The following ANO4 variants were observed in gnomAD, a reference collection of about 807,000 sequenced individuals.
The protein encoded by ANO4 is anoctamin-4.
Under a neutral mutation model 141.9 loss-of-function variants are expected in ANO4, and 69 were observed. That is an observed-to-expected ratio of 0.49 (90% CI 0.40 to 0.59). The LOEUF is 0.59. Among genes scored for constraint, ANO4 ranks in the 20% least tolerant of loss-of-function variants. The pLI is 0.00. For missense variants in ANO4, 894 were observed against 1,162.2 expected (o/e 0.77, Z 3.36); for synonymous variants, 350 against 394.3 (o/e 0.89, Z 1.33).
chr12:100,930,891 C>T (rs760436747), intron 3 of ANO4, among the ~76,000 whole-genome samples: 8 of 152,100 alleles, frequency 5.3e-5, no homozygotes, highest in Admixed American at 3.9e-4. Flanking sequence ...GAGCCTTGCC[C>T]GCTCAGTTGT....
intron 1 of ANO4, among the ~76,000 whole-genome samples, chr12:100,831,504 G>A (rs1386626706): frequency 6.9e-6 from 1 of 145,150 alleles, no homozygotes; most frequent in African/African-American, 2.4e-5. Context: ...TTCCACCTGT[G>A]GAAAAATAAT....
intron 1 of ANO4, among the ~76,000 whole-genome samples, chr12:100,819,552 A>G (rs906607391): frequency 6.6e-6 from 1 of 151,966 alleles, no homozygotes; most frequent in African/African-American, 2.4e-5. Flanking sequence ...CAAAACAAGC[A>G]TCACTGCTAG....
At chr12:100,771,319 C>A (rs778068058) in intron 3 of ANO4, among the ~76,000 whole-genome samples, 3 of 152,138 alleles carry the variant, frequency 2.0e-5, no homozygotes, top group Non-Finnish European at 4.4e-5. Context: ...CTTGCATAGA[C>A]CAGACGGATC....
chr12:100,816,708 T>C (rs2035759791), intron 1 of ANO4, among the ~76,000 whole-genome samples: 1 of 151,976 alleles, frequency 6.6e-6, no homozygotes, highest in Non-Finnish European at 1.5e-5. Flanking sequence ...AGGTGGATGG[T>C]TTGGATTCTA....
Position 100,726,815 on chromosome 12 carries a change from T to C in ANO4, c.23-6959T>C, listed in dbSNP as rs187421394. 2.8e-3 allele frequency among the ~76,000 whole-genome samples: 419 copies of C among 152,238 alleles called. 6 individuals carry two copies. Among genetic ancestry groups the C allele is most frequent in the Admixed American group, 5.4e-3 (83 of 15,282 alleles). Reference sequence around the variant, plus strand: ...TTTAATTTAGACATTTTTGGTTGTGTTTTGCTTGATAGAAATATGCTTATA... The same window carrying C: ...TTTAATTTAGACATTTTTGGTTGTGCTTTGCTTGATAGAAATATGCTTATA... On this transcript the variant is annotated intron_variant, in intron 1 of 29. Coordinates refer to the ANO4 transcript ENST00000644049.
At chr12:100,836,580 A>C (rs1407817708) in intron 1 of ANO4, among the ~76,000 whole-genome samples, 1 of 149,164 alleles carries the variant, frequency 6.7e-6, no homozygotes, top group Non-Finnish European at 1.5e-5. Context: ...GCCACAAACT[A>C]TCATATAGTG....
chr12:101,079,945 C>T (rs890155078), intron 15 of ANO4, among the ~76,000 whole-genome samples: 1 of 152,222 alleles, frequency 6.6e-6, no homozygotes, highest in African/African-American at 2.4e-5. Flanking sequence ...AGTACCCACA[C>T]TAGGCGTGGT....
chr12:100,970,663 C>CGCCTTCCTTCCTTCCT (rs372004015), intron 5 of ANO4, among the ~76,000 whole-genome samples: 1,918 of 91,744 alleles, frequency 0.021, 220 homozygotes, highest in Middle Eastern at 0.046. Context: ...CTCCCTCCCT[C>CGCCTTCCTTCCTTCCT]TCCTTCCTTC....
intron 2 of ANO4, among the ~76,000 whole-genome samples, chr12:100,905,660 T>C (rs901046974): frequency 6.6e-6 from 1 of 152,108 alleles, no homozygotes; most frequent in Admixed American, 6.6e-5. Context: ...GGGCAACTTT[T>C]TTGAGCAGTT....
intron 7 of ANO4, among the ~76,000 whole-genome samples, chr12:100,976,513 T>A (rs1403158334): frequency 6.6e-6 from 1 of 152,216 alleles, no homozygotes; most frequent in Non-Finnish European, 1.5e-5. Flanking sequence ...CCTATATTAA[T>A]AGTTCTCAAA....
intron 15 of ANO4, among the ~76,000 whole-genome samples, chr12:101,082,355 T>C (rs2049317600): frequency 6.6e-6 from 1 of 152,192 alleles, no homozygotes; most frequent in Non-Finnish European, 1.5e-5. Flanking sequence ...CCTCTTTTTC[T>C]TTATAACTTA....
intron 14 of ANO4, chr12:101,066,935 C>T (rs1179949831): frequency 4.1e-6 from 3 of 728,536 alleles, no homozygotes; most frequent in African/African-American, 1.8e-5. Context: ...TGTTACAAGG[C>T]AACATGAGGA....
Position 101,110,406 on chromosome 12 carries a change from CT to C in ANO4, c.2154del (p.Gln719SerfsTer14). On this transcript the variant is annotated frameshift_variant, in exon 23 of 28. Transcript: ENST00000392977. LOFTEE classifies it high-confidence loss of function. ...GLFDEYLEMI[L>X]QFGFTTIFVA... ...CTTTTTCCTTTTTTCTTTTCTAGTT[CT>C]TCAGTTTGGATTCACAACTATCTTT... The C allele has an allele frequency of 1.2e-6, 2 of 1,601,006 alleles. No homozygotes were observed. The highest frequency in any genetic ancestry group is 1.1e-5 in the South Asian group (1 of 87,532).
At chr12:101,010,868 C>T (rs1003888801) in intron 8 of ANO4, among the ~76,000 whole-genome samples, 1 of 152,170 alleles carries the variant, frequency 6.6e-6, no homozygotes, top group Admixed American at 6.6e-5. Context: ...AATTTACTGA[C>T]TTAAACATTT....
chr12:100,776,964 A>G (rs950819696), intron 3 of ANO4, among the ~76,000 whole-genome samples: 1 of 152,214 alleles, frequency 6.6e-6, no homozygotes, highest in African/African-American at 2.4e-5. Context: ...AGTTGGCACA[A>G]TGGGTATTCA....
rs868350377 is a variant in ANO4 at position 100,722,098 on chromosome 12, A to C, written c.22+4551A>C. Among the ~76,000 whole-genome samples the C allele has an allele frequency of 2.0e-5, 3 of 152,298 alleles. 1 individual carries two copies. The highest frequency in any genetic ancestry group is 6.8e-3 in the Middle Eastern group (2 of 294). On this transcript the variant is annotated intron_variant, in intron 1 of 29. Coordinates refer to the ANO4 transcript ENST00000644049. ...TGTCAAGTGCGCAGGAGCAGTATGT[A>C]GTGCTCAGTAAGCATTAGGTATTAT...
rs566341218 is a variant in ANO4 at position 100,879,402 on chromosome 12, T to A, written c.-140-22244T>A. 3.9e-5 allele frequency among the ~76,000 whole-genome samples: 6 copies of A among 152,272 alleles called. No individual in the cohort carries two copies. In the South Asian group the frequency reaches 1.2e-3, roughly 32 times the overall value. On this transcript the variant is annotated intron_variant, in intron 1 of 27. Coordinates refer to ENST00000392977, the MANE Select transcript of ANO4 (RefSeq NM_001286615.2). ...GGATAACTATTGGCTCCAGTTTCAT[T>A]TGGGGATTAGGGATTGGATTAGAAT...
chr12:100,816,437 CA>C (rs1331437312), intron 1 of ANO4, among the ~76,000 whole-genome samples: 1 of 151,818 alleles, frequency 6.6e-6, no homozygotes. Context: ...CAGCATATTA[CA>C]AAGGCCCTGT....
At chr12:100,718,560 A>G (rs1209684966) in intron 1 of ANO4, among the ~76,000 whole-genome samples, 1 of 152,158 alleles carries the variant, frequency 6.6e-6, no homozygotes, top group East Asian at 1.9e-4. Context: ...TCCCCTGCTC[A>G]TTTTACCAAG....
Sources: allele counts gnomAD v4.1 joint callset (sites outside exome capture counted in the v4.1 genomes callset), GRCh38; gene constraint gnomAD v4.1.1; transcripts MANE v1.5; gene names NCBI Gene and HGNC (gene_info 2026-07-23, HGNC 2026-07-21).